Variants in WDTC1 observed in about 807,000 individuals in gnomAD.
WDTC1 encodes WD and tetratricopeptide repeats 1, also known as WD and tetratricopeptide repeats protein 1.
WDTC1 carries 12 observed loss-of-function variants against 76.0 expected under a neutral mutation model. The ratio of observed to expected loss-of-function variants is 0.16; its 90% CI spans 0.10 to 0.26. The LOEUF is 0.26. Ranked by LOEUF, WDTC1 falls within the 10% of genes least tolerant of loss-of-function variation. The pLI is 1.00. For missense variants in WDTC1, 511 were observed against 908.8 expected, an observed-to-expected ratio of 0.56 and a Z score of 5.63; for synonymous variants, 326 against 350.8, an observed-to-expected ratio of 0.93 and a Z score of 0.79.
chr1:27,270,883 A>G (rs1343029819), intron 3 of WDTC1, among the ~76,000 whole-genome samples: 2 of 152,184 alleles, frequency 1.3e-5, no homozygotes, highest in Admixed American at 6.5e-5. Context: ...AGTAGACTGT[A>G]TGGTTGAGCT....
chr1:27,294,382 A>G, intron 8 of WDTC1, 132 bp from the exon 9 acceptor site: 1 of 806,278 alleles, frequency 1.2e-6, no homozygotes, highest in Non-Finnish European at 2.0e-6. Flanking sequence ...TGCATATAGT[A>G]AGGGCTCAAC....
chr1:27,275,924 G>A (rs1418598778), intron 3 of WDTC1, among the ~76,000 whole-genome samples: 6 of 152,148 alleles, frequency 3.9e-5, no homozygotes, highest in African/African-American at 1.4e-4. Flanking sequence ...CCCTACCCCA[G>A]AAACCACTAA....
rs113736744 is a variant in WDTC1 at position 27,303,406 on chromosome 1, C to T, written c.1469-215C>T. 5.3e-5 allele frequency among the ~76,000 whole-genome samples: 8 copies of T among 152,352 alleles called. 1 individual carries two copies. Among genetic ancestry groups the T allele is most frequent in the African/African-American group, 1.9e-4 (8 of 41,582 alleles). ...TCATTTAGGGACCTGAACCAGGGCC[C>T]TCCTGGCATCAAAGGTCTCCTCTTG... On this transcript the variant is annotated intron_variant, in intron 13 of 15. Transcript: ENST00000319394. The surrounding 1 kb of genome is among the most constrained non-coding windows in gnomAD (Gnocchi z 4.8).
At chr1:27,254,772 A>G (rs191960705) in intron 1 of WDTC1, among the ~76,000 whole-genome samples, 1 of 152,172 alleles carries the variant, frequency 6.6e-6, no homozygotes, top group East Asian at 1.9e-4. Context: ...AGCTGGGATT[A>G]CAGGCATGCA....
Position 27,244,209 on chromosome 1 carries a change from G to GA in WDTC1, c.-100+9267dup, listed in dbSNP as rs537696021. Among the ~76,000 whole-genome samples the GA allele has an allele frequency of 8.9e-3, 1,346 of 151,322 alleles. 22 individuals are homozygous for GA. Among genetic ancestry groups the GA allele is most frequent in the African/African-American group, 0.03 (1,250 of 41,260 alleles). ...GAAGAGACGTAAGAGGTATAGAAAAGAAAAAAAAATTTAAAAGAAATGTCA... is the reference window on the plus strand; with the variant it reads ...GAAGAGACGTAAGAGGTATAGAAAAGAAAAAAAAAATTTAAAAGAAATGTCA... On this transcript the variant is annotated intron_variant, in intron 1 of 15. Transcript: ENST00000319394.
At chr1:27,251,352 G>C (rs1331102610) in intron 1 of WDTC1, among the ~76,000 whole-genome samples, 1 of 152,056 alleles carries the variant, frequency 6.6e-6, no homozygotes, top group East Asian at 1.9e-4. Context: ...TTTGGGAGGT[G>C]TAACATCTGC....
chr1:27,235,007 C>T (rs1481397593), intron 1 of WDTC1, 56 bp downstream of exon 1: 1 of 376,058 alleles, frequency 2.7e-6, no homozygotes, highest in Non-Finnish European at 4.7e-6. Flanking sequence ...GGACCGGCTC[C>T]CGCAGCCCCG....
At chr1:27,294,932 G>T (rs1432085140) in intron 9 of WDTC1, among the ~76,000 whole-genome samples, 3 of 152,220 alleles carry the variant, frequency 2.0e-5, no homozygotes, top group African/African-American at 7.2e-5. Context: ...CTGTTCAGCA[G>T]CTGTTTACTG....
At chr1:27,266,858 G>T (rs963358425) in intron 3 of WDTC1, among the ~76,000 whole-genome samples, 3 of 152,032 alleles carry the variant, frequency 2.0e-5, no homozygotes, top group African/African-American at 7.2e-5. Flanking sequence ...TTATGATCTG[G>T]GCAAAACATT....
chr1:27,254,972 G>T (rs2012227119), intron 1 of WDTC1, among the ~76,000 whole-genome samples: 1 of 151,038 alleles, frequency 6.6e-6, no homozygotes, highest in South Asian at 2.1e-4. Flanking sequence ...CTACCAATTT[G>T]ATCCCAACTT....
intron 11 of WDTC1, 48 bp from the exon 12 acceptor site, chr1:27,297,890 G>C: frequency 6.5e-7 from 1 of 1,548,720 alleles, no homozygotes; most frequent in Non-Finnish European, 8.8e-7. Context: ...CTGAGGGGCT[G>C]CTCTGACCTT....
At chr1:27,253,800 T>C (rs1216932680) in intron 1 of WDTC1, among the ~76,000 whole-genome samples, 2 of 152,208 alleles carry the variant, frequency 1.3e-5, no homozygotes, top group Non-Finnish European at 2.9e-5. Flanking sequence ...AGAAATCCCC[T>C]TGATGTAGTC....
chr1:27,234,978 T>TC (rs1434686650), intron 1 of WDTC1, 27 bp downstream of exon 1: 1 of 383,148 alleles, frequency 2.6e-6, no homozygotes, highest in East Asian at 3.7e-5. Flanking sequence ...CCCCCTGCCC[T>TC]CCGCGGGCGC....
chr1:27,267,249 CTTT>C (rs869288356), intron 3 of WDTC1, among the ~76,000 whole-genome samples: 4 of 140,160 alleles, frequency 2.9e-5, no homozygotes, highest in Non-Finnish European at 3.1e-5. Flanking sequence ...GGATTACTTT[CTTT>C]TTTTTTTTTT....
chr1:27,306,100 G>A lies in WDTC1; in HGVS notation c.1837-86G>A. On this transcript the variant is annotated intron_variant, in intron 15 of 15. Coordinates refer to ENST00000319394, the MANE Select transcript of WDTC1 (RefSeq NM_001276252.2). The surrounding 1 kb of genome is among the most constrained non-coding windows in gnomAD (Gnocchi z 5.0). ...TCCCCCTATAGATAGTTTAGTCTGT[G>A]TATTTCCCTCCCCCTCCCCTATACG... The A allele has an allele frequency of 2.0e-6, 3 of 1,470,338 alleles. No individual in the cohort carries two copies. Among genetic ancestry groups the A allele is most frequent in the African/African-American group, 1.4e-5 (1 of 72,266 alleles). The allele number at this position is 1,470,338 out of a possible 1,614,324, so 91.1% of individuals were successfully genotyped here.
At chr1:27,302,042 G>C (rs1318996219) in intron 13 of WDTC1, among the ~76,000 whole-genome samples, 1 of 152,214 alleles carries the variant, frequency 6.6e-6, no homozygotes. Flanking sequence ...GCTGGAGAAT[G>C]AACTGGGCCA....
At chr1:27,280,763 G>A (rs542876591) in intron 3 of WDTC1, among the ~76,000 whole-genome samples, 5 of 152,312 alleles carry the variant, frequency 3.3e-5, no homozygotes, top group East Asian at 3.9e-4. Flanking sequence ...CAGCAGGTAC[G>A]TTAAATGTGT....
rs747972901 is a variant in WDTC1, at chr1:27,294,616, T to TG, written c.868dup (p.Glu290GlyfsTer7). On this transcript the variant is annotated frameshift_variant, in exon 9 of 16. Coordinates refer to ENST00000319394, the MANE Select transcript of WDTC1 (RefSeq NM_001276252.2). LOFTEE classifies it high-confidence loss of function. ...AATGGCACAGAGCTACTAGTCAACA[T>TG]GGGGGGGGAACAGGTATGTACAGCA... The TG allele has an allele frequency of 2.6e-5, 42 of 1,610,292 alleles. No homozygotes were observed. Among genetic ancestry groups the TG allele is most frequent in the South Asian group, 2.2e-5 (2 of 90,998 alleles).
At chr1:27,253,897 T>G (rs1348370868) in intron 1 of WDTC1, among the ~76,000 whole-genome samples, 1 of 152,166 alleles carries the variant, frequency 6.6e-6, no homozygotes, top group Non-Finnish European at 1.5e-5. Flanking sequence ...CTCAAAGCCC[T>G]CCTTAAAATA....
Sources: gnomAD v4.1 joint callset for allele counts (sites outside exome capture counted in the v4.1 genomes callset) on GRCh38, gnomAD v4.1.1 for gene constraint, Gnocchi (gnomAD v3.1) non-coding constraint, MANE v1.5 for transcripts, NCBI Gene and HGNC (gene_info 2026-07-23, HGNC 2026-07-21) for gene names.